RTCA: variants seen among roughly 807,000 people sequenced by gnomAD.
RTCA encodes RNA terminal phosphate cyclase domain 1.
A neutral mutation model predicts 46.1 loss-of-function variants in RTCA; 37 were observed. The observed-to-expected ratio is 0.80, with a 90% CI of 0.62 to 1.06. The LOEUF (loss-of-function observed/expected upper bound fraction) is 1.06, where lower values mean the gene tolerates loss of function less well. RTCA is among the 50% of genes least tolerant of loss of function. The pLI, the probability that RTCA is intolerant of heterozygous loss-of-function variation, is 0.00. For missense variants in RTCA, 435 were observed against 455.5 expected, an observed-to-expected ratio of 0.95 and a Z score of 0.41; for synonymous variants, 164 against 158.3, an observed-to-expected ratio of 1.04 and a Z score of -0.27.
At chr1:100,280,095 A>G (rs59328758) in intron 8 of RTCA, among the ~76,000 whole-genome samples, 4,415 of 152,316 alleles carry the variant, frequency 0.029, 211 homozygotes, top group African/African-American at 0.1. Context: ...GTGAATACTG[A>G]TAAAAGGGTA....
At chr1:100,279,965 T>C (rs1666607853) in intron 8 of RTCA, among the ~76,000 whole-genome samples, 1 of 151,946 alleles carries the variant, frequency 6.6e-6, no homozygotes, top group Non-Finnish European at 1.5e-5. Flanking sequence ...GATATGAGAG[T>C]TTTTGAAAGA....
intron 2 of RTCA, 74 bp from the exon 3 acceptor site, chr1:100,268,078 A>C: frequency 6.4e-7 from 1 of 1,564,702 alleles, no homozygotes; most frequent in South Asian, 1.2e-5. Flanking sequence ...TTGCAGTTTT[A>C]TAAATTTGTC....
intron 9 of RTCA, among the ~76,000 whole-genome samples, chr1:100,285,645 A>G (rs769967600): frequency 1.3e-5 from 2 of 150,764 alleles, no homozygotes; most frequent in Non-Finnish European, 3.0e-5. Flanking sequence ...CATCTTCTCA[A>G]CAACAATTTT....
In RTCA at chr1:100,276,746, C is replaced by T. The variant is rs182747138; in HGVS notation, c.741-512C>T. ...ATAGATTTAAGTATTAGTACAAATT[C>T]TTTAACTGATGTTTTTGAAGTATAA... On this transcript the variant is annotated intron_variant, in intron 7 of 10. Transcript: ENST00000370128. Among the ~76,000 whole-genome samples the T allele has an allele frequency of 2.8e-3, 423 of 152,306 alleles. 3 individuals are homozygous for T. The highest frequency in any genetic ancestry group is 4.5e-3 in the Non-Finnish European group (306 of 68,016).
chr1:100,291,577 G>T lies in RTCA; in HGVS notation c.*73G>T. 1 of 934,810 alleles carries T rather than the reference G, an allele frequency of 1.1e-6. No homozygotes were observed. The highest frequency in any genetic ancestry group is 1.6e-6 in the Non-Finnish European group (1 of 606,196). The allele number at this position is 934,810 out of a possible 1,614,324, so 57.9% of individuals were successfully genotyped here. On this transcript the variant is annotated 3_prime_UTR_variant, in exon 11 of 11. Coordinates refer to ENST00000370128, the MANE Select transcript of RTCA (RefSeq NM_003729.4). ...ATAAATACTATAAAATAATGACTAG[G>T]AAGTAACTTATTAAAGGCTATGACT...
At chr1:100,279,475 A>G (rs1222742453) in intron 8 of RTCA, among the ~76,000 whole-genome samples, 1 of 152,168 alleles carries the variant, frequency 6.6e-6, no homozygotes, top group African/African-American at 2.4e-5. Context: ...AGGACAAAGA[A>G]ATTTGACATA....
intron 8 of RTCA, among the ~76,000 whole-genome samples, chr1:100,281,693 A>G (rs907800860): frequency 7.3e-5 from 11 of 151,032 alleles, no homozygotes; most frequent in African/African-American, 2.4e-4. Flanking sequence ...GTATGTGGTA[A>G]TTCAGGGCAT....
intron 3 of RTCA, 36 bp downstream of exon 3, chr1:100,268,331 GGTT>G (rs968350387): frequency 6.5e-7 from 1 of 1,532,906 alleles, no homozygotes; most frequent in African/African-American, 1.4e-5. Flanking sequence ...AAGTAACCTG[GGTT>G]TAAGTCCAGG....
intron 8 of RTCA, among the ~76,000 whole-genome samples, chr1:100,279,986 A>G (rs1411605304): frequency 6.6e-6 from 1 of 152,232 alleles, no homozygotes; most frequent in Non-Finnish European, 1.5e-5. Context: ...TAATTCAGAG[A>G]AGTAGAAGAA....
rs558824942 is a variant in RTCA at position 100,280,635 on chromosome 1, A to G, written c.799+3319A>G. Among the ~76,000 whole-genome samples, 3 of 152,282 alleles carry G rather than the reference A, an allele frequency of 2.0e-5. No individual in the cohort carries two copies. The South Asian group carries it at 6.2e-4, about 32-fold the overall frequency. On this transcript the variant is annotated intron_variant, in intron 8 of 10. Coordinates refer to ENST00000370128, the MANE Select transcript of RTCA (RefSeq NM_003729.4). ...AATCCAGCTTGTCTATATATTAAGGATCTCAGAGAGAATGTCATGACCTCT... is the reference window on the plus strand; with the variant it reads ...AATCCAGCTTGTCTATATATTAAGGGTCTCAGAGAGAATGTCATGACCTCT...
Position 100,266,436 on chromosome 1 carries a change from A to G in RTCA, c.45+16A>G, listed in dbSNP as rs1297968013. 1.2e-6 allele frequency: 2 copies of G among 1,610,090 alleles called. No homozygotes were observed. Among genetic ancestry groups the G allele is most frequent in the Non-Finnish European group, 8.5e-7 (1 of 1,177,214 alleles). On this transcript the variant is annotated intron_variant, in intron 1 of 10. Coordinates refer to ENST00000370128, the MANE Select transcript of RTCA (RefSeq NM_003729.4). The stretch of plus-strand genomic sequence containing the variant: ...CATGGAAGGGGTGAGTACAGAGCGA[A>G]GCGGCCGGGGCTGCAGCCTAACTAA...
chr1:100,281,043 C>G (rs559404974), intron 8 of RTCA, among the ~76,000 whole-genome samples: 59 of 152,210 alleles, frequency 3.9e-4, no homozygotes, highest in Non-Finnish European at 7.2e-4. Context: ...ACCTTGAATC[C>G]TAATTTCTTA....
intron 3 of RTCA, 89 bp downstream of exon 3, chr1:100,268,384 C>A: frequency 3.9e-6 from 4 of 1,036,480 alleles, no homozygotes; most frequent in Non-Finnish European, 5.5e-6. Flanking sequence ...TGTCTATGAG[C>A]TTGTTTCCCT....
At position 100,277,330 on chromosome 1, in the gene RTCA, A is replaced by G. The variant is rs748577745; in HGVS notation, c.799+14A>G. The G allele has an allele frequency of 6.2e-7, 1 of 1,604,150 alleles. No homozygotes were observed. The highest frequency in any genetic ancestry group is 8.5e-7 in the Non-Finnish European group (1 of 1,175,312). On this transcript the variant is annotated intron_variant, in intron 8 of 10. Transcript: ENST00000370128. ...TTGGTAAACGAGGTAAGATAAATGA[A>G]GGGGGTCCATAGTTCCCAATGCTAC...
At position 100,268,157 on chromosome 1, in the gene RTCA, A is replaced by G; in HGVS notation, c.152A>G (p.Gln51Arg). 6.2e-7 allele frequency: 1 copy of G among 1,614,184 alleles called. No individual in the cohort carries two copies. The highest frequency in any genetic ancestry group is 8.5e-7 in the Non-Finnish European group (1 of 1,180,020). Residue 51 changes from glutamine (Q) to arginine (R), a missense_variant, in exon 3 of 11, where the codon CAA becomes CGA. By Grantham distance (43) the Gln-to-Arg change is conservative. Coordinates refer to ENST00000370128, the MANE Select transcript of RTCA (RefSeq NM_003729.4). ...AGRSTPGLRP[Q>R]HLSGLEMIRD... ...TGCAGTATTATGACCTGAAGGCCTC[A>G]ACATTTATCTGGACTGGAAATGATT...
At position 100,289,204 on chromosome 1, in the gene RTCA, C is replaced by T. The variant is rs553117741; in HGVS notation, c.999+2001C>T. Among the ~76,000 whole-genome samples the T allele has an allele frequency of 4.6e-5, 7 of 152,018 alleles. No homozygotes were observed. The South Asian group carries it at 1.0e-3, about 23-fold the overall frequency. On this transcript the variant is annotated intron_variant, in intron 10 of 10. Transcript: ENST00000370128. The stretch of plus-strand genomic sequence containing the variant: ...ATTACAATGGCAGTATCATAGCTCA[C>T]AGTAGCCCCGAACTCCTGGGCTCAA...
intron 8 of RTCA, among the ~76,000 whole-genome samples, chr1:100,278,923 T>G (rs1266933639): frequency 6.6e-6 from 1 of 152,194 alleles, no homozygotes; most frequent in East Asian, 1.9e-4. Flanking sequence ...TCTGTGGGAG[T>G]GGGGCCCAGG....
In RTCA at chr1:100,291,412, A is replaced by G. The variant is rs575947763; in HGVS notation, c.1009A>G (p.Ile337Val). ...CCTCTTCTGATTTCAGGCTAAATTTATTGTGAAGAAATCAGAAGATGAAGA... is the reference window on the plus strand; with the variant it reads ...CCTCTTCTGATTTCAGGCTAAATTTGTTGTGAAGAAATCAGAAGATGAAGA... ...FAEQIAKAKF[I>V]VKKSEDEEDA... is the part of the protein sequence containing the mutation. The change falls in exon 11 of 11, where the codon ATT becomes GTT. Residue 337 changes from isoleucine to valine, a missense_variant. Physicochemically the swap from Ile to Val is conservative, Grantham distance 29. Transcript: ENST00000370128. The G allele has an allele frequency of 2.3e-5, 37 of 1,607,246 alleles. 1 individual carries two copies. The South Asian group carries it at 4.0e-4, about 17-fold the overall frequency.
At chr1:100,276,417 A>G (rs11166423) in intron 7 of RTCA, among the ~76,000 whole-genome samples, 117,443 of 152,118 alleles carry the variant, frequency 0.77, 47,275 homozygotes, top group East Asian at 0.95. Context: ...GGTGGCTTAC[A>G]CCTGTAATCC....
Sources: gnomAD v4.1 joint callset for allele counts (sites outside exome capture counted in the v4.1 genomes callset) on GRCh38, gnomAD v4.1.1 for gene constraint, MANE v1.5 for transcripts, NCBI Gene and HGNC (gene_info 2026-07-23, HGNC 2026-07-21) for gene names.